The following DCC variants were observed in gnomAD, a reference collection of about 807,000 sequenced individuals.
DCC encodes netrin receptor DCC.
Under a neutral mutation model 172.5 loss-of-function variants are expected in DCC, and 58 were observed. The ratio of observed to expected loss-of-function variants is 0.34; its 90% CI spans 0.27 to 0.42. DCC has a LOEUF of 0.42. Among genes scored for constraint, DCC ranks in the 10% least tolerant of loss-of-function variants. The probability of loss-of-function intolerance (pLI) is 1.00; values close to 1 mark genes in which losing one functional copy is unlikely to be tolerated. For synonymous variants in DCC, 709 were observed against 644.5 expected (o/e 1.10, Z -1.52); for missense variants, 1,740 against 1,791.0 (o/e 0.97, Z 0.51).
chr18:52,659,439 G>C (rs1184553017), intron 1 of DCC, among the ~76,000 whole-genome samples: 2 of 152,088 alleles, frequency 1.3e-5, no homozygotes, highest in East Asian at 1.9e-4. Context: ...TTAACCCAAC[G>C]ATAATGAAGA....
intron 5 of DCC, among the ~76,000 whole-genome samples, chr18:53,012,450 A>G (rs2041744331): frequency 6.6e-6 from 1 of 152,052 alleles, no homozygotes; most frequent in African/African-American, 2.4e-5. Context: ...TATTTAAGTG[A>G]AGCTCAAGAA....
intron 1 of DCC, among the ~76,000 whole-genome samples, chr18:52,483,130 C>CTGTA (rs938980358): frequency 6.6e-6 from 1 of 152,088 alleles, no homozygotes; most frequent in African/African-American, 2.4e-5. Flanking sequence ...GCCTTCTCTC[C>CTGTA]TGTATCTCTG....
intron 10 of DCC, 96 bp downstream of exon 10, chr18:53,205,460 C>G (rs2144550279): frequency 8.6e-7 from 1 of 1,168,248 alleles, no homozygotes; most frequent in South Asian, 1.2e-5. Context: ...GACTCGCAAA[C>G]TCTTGAAACA....
At chr18:53,090,698 CAAAAAAAAA>C (rs59898050) in intron 7 of DCC, among the ~76,000 whole-genome samples, 813 of 39,314 alleles carry the variant, frequency 0.021, 5 homozygotes, top group Middle Eastern at 0.042. Flanking sequence ...CGTCCCCCAA[CAAAAAAAAA>C]AAAAAAAAAA....
In DCC at chr18:52,624,484, G is replaced by A. The variant is rs1170924290; in HGVS notation, c.92-127570G>A. On this transcript the variant is annotated intron_variant, in intron 1 of 28. Transcript: ENST00000442544. ...ATTTTTCGCACTTAAACTTCTGTGGGGTTTGTTCTCCAGAGTCCTTTTTTC... is the reference window on the plus strand; with the variant it reads ...ATTTTTCGCACTTAAACTTCTGTGGAGTTTGTTCTCCAGAGTCCTTTTTTC... 2.6e-5 allele frequency among the ~76,000 whole-genome samples: 4 copies of A among 152,180 alleles called. No homozygotes were observed. In the East Asian group the frequency reaches 5.8e-4, roughly 22 times the overall value.
intron 12 of DCC, among the ~76,000 whole-genome samples, chr18:53,255,189 G>T (rs1212160514): frequency 6.6e-6 from 1 of 151,678 alleles, no homozygotes; most frequent in East Asian, 1.9e-4. Context: ...CACTTGTCTT[G>T]GATATGTGGG....
chr18:52,895,120 CAGA>C (rs1481645588), intron 2 of DCC, among the ~76,000 whole-genome samples: 3 of 152,168 alleles, frequency 2.0e-5, no homozygotes, highest in Non-Finnish European at 2.9e-5. Context: ...TGATGAAAAA[CAGA>C]AGATCATACC....
intron 13 of DCC, among the ~76,000 whole-genome samples, chr18:53,308,066 A>G (rs2057224368): frequency 6.6e-6 from 1 of 150,990 alleles, no homozygotes; most frequent in African/African-American, 2.4e-5. Context: ...CTAGGAAGCA[A>G]TCATATTTTT....
At chr18:52,420,885 G>A (rs1196867819) in intron 1 of DCC, among the ~76,000 whole-genome samples, 1 of 152,016 alleles carries the variant, frequency 6.6e-6, no homozygotes, top group Admixed American at 6.6e-5. Context: ...TCTGGTGTGG[G>A]CAGAATAAAT....
rs999907870 is a variant in DCC, at chr18:52,783,255, C to T, written c.412+30881C>T. ...ACTGCTCTTAAAAGTGGTTTAACAC[C>T]GATTTAAACTCCTTGAATACAGTAA... On this transcript the variant is annotated intron_variant, in intron 2 of 28. Transcript: ENST00000442544. Among the ~76,000 whole-genome samples the T allele has an allele frequency of 6.8e-5, 10 of 146,526 alleles. No individual in the cohort carries two copies. The East Asian group carries it at 9.9e-4, about 15-fold the overall frequency.
intron 22 of DCC, among the ~76,000 whole-genome samples, chr18:53,444,005 T>C (rs535912326): frequency 5.9e-5 from 9 of 152,360 alleles, no homozygotes; most frequent in African/African-American, 1.2e-4. Context: ...AAGTGATTCA[T>C]TGAGATGAAA....
intron 10 of DCC, among the ~76,000 whole-genome samples, chr18:53,207,402 G>A (rs1235837581): frequency 1.3e-5 from 2 of 152,046 alleles, no homozygotes; most frequent in African/African-American, 4.8e-5. Flanking sequence ...TTTAGGTGTG[G>A]GTAGAATAAC....
At chr18:52,979,359 AG>A (rs1290444478) in intron 5 of DCC, among the ~76,000 whole-genome samples, 2 of 152,154 alleles carry the variant, frequency 1.3e-5, no homozygotes, top group Non-Finnish European at 2.9e-5. Flanking sequence ...AAAGCTGTGA[AG>A]GAGCATTTAC....
intron 2 of DCC, among the ~76,000 whole-genome samples, chr18:52,861,025 A>T (rs944531142): frequency 1.3e-5 from 2 of 151,350 alleles, no homozygotes; most frequent in Non-Finnish European, 2.9e-5. Context: ...AAAAAAAAAA[A>T]AAAAAATTTT....
chr18:52,420,512 G>A (rs1175888799), intron 1 of DCC, among the ~76,000 whole-genome samples: 55 of 152,086 alleles, frequency 3.6e-4, no homozygotes, highest in Admixed American at 3.5e-3. Context: ...TGGATTTTGG[G>A]GCACCTTCCT....
intron 1 of DCC, among the ~76,000 whole-genome samples, chr18:52,486,995 T>C (rs188274219): frequency 7.0e-4 from 107 of 152,284 alleles, no homozygotes; most frequent in African/African-American, 2.5e-3. Context: ...ACTTAGAATG[T>C]GCAACTAAGA....
chr18:52,891,403 A>G (rs915182278), intron 2 of DCC, among the ~76,000 whole-genome samples: 4 of 152,120 alleles, frequency 2.6e-5, no homozygotes, highest in Admixed American at 1.3e-4. Context: ...GTCATGAATG[A>G]ATGACATGGA....
intron 9 of DCC, among the ~76,000 whole-genome samples, chr18:53,181,289 A>T (rs1021269845): frequency 1.3e-5 from 2 of 152,212 alleles, no homozygotes; most frequent in Non-Finnish European, 2.9e-5. Flanking sequence ...CATTTCTGAT[A>T]AAAATCCTGG....
At chr18:52,756,928 A>G (rs1447338000) in intron 2 of DCC, 3 of 152,224 alleles carry the variant, frequency 2.0e-5, no homozygotes, top group Non-Finnish European at 4.4e-5. Flanking sequence ...ACAACTTTCA[A>G]TATTCCCATG....
Sources: gnomAD v4.1 joint callset for allele counts (sites outside exome capture counted in the v4.1 genomes callset) on GRCh38, gnomAD v4.1.1 for gene constraint, MANE v1.5 for transcripts, NCBI Gene and HGNC (gene_info 2026-07-23, HGNC 2026-07-21) for gene names.